The following C12orf42 variants were observed in gnomAD, a reference collection of about 807,000 sequenced individuals.
The protein encoded by C12orf42 is uncharacterized protein C12orf42.
In C12orf42, 25 loss-of-function variants were observed where a neutral mutation model predicts 21.6. The observed-to-expected ratio is 1.16, with a 90% confidence interval of 0.84 to 1.62. The LOEUF (loss-of-function observed/expected upper bound fraction) is 1.62. Among genes scored for constraint, C12orf42 ranks in the 40% most tolerant of loss-of-function variants. The pLI is 0.00. For missense variants in C12orf42, 483 were observed against 459.3 expected (o/e 1.05, Z -0.47); for synonymous variants, 174 against 175.0 (o/e 0.99, Z 0.05).
intron 2 of C12orf42, among the ~76,000 whole-genome samples, chr12:103,466,417 C>G (rs1953133577): frequency 6.6e-6 from 1 of 152,036 alleles, no homozygotes; most frequent in African/African-American, 2.4e-5. Flanking sequence ...CTGATCCATC[C>G]CTCACTCCTC....
the C12orf42 span, among the ~76,000 whole-genome samples, chr12:103,137,705 T>A: frequency 2.0e-5 from 3 of 152,104 alleles, no homozygotes; most frequent in Admixed American, 6.5e-5. Context: ...AACATAGAAA[T>A]CATGTCATTT....
chr12:103,160,310 A>T, the C12orf42 span, among the ~76,000 whole-genome samples: 1 of 152,242 alleles, frequency 6.6e-6, no homozygotes, highest in Admixed American at 6.5e-5. Context: ...ACCAAGTGCT[A>T]TTCCATTCCC....
At chr12:103,224,445 C>T in the C12orf42 span, among the ~76,000 whole-genome samples, 9 of 152,164 alleles carry the variant, frequency 5.9e-5, no homozygotes, top group South Asian at 1.7e-3. Flanking sequence ...ATAAATTAAG[C>T]GTGATCAGGG....
chr12:103,297,474 C>CA (rs1255372271), downstream of C12orf42, among the ~76,000 whole-genome samples: 13 of 151,632 alleles, frequency 8.6e-5, no homozygotes, highest in Admixed American at 3.9e-4. Flanking sequence ...GCCTACCAAC[C>CA]AAAAAAAAAG....
At chr12:103,282,472 T>G (rs930202967) in intron 4 of C12orf42, among the ~76,000 whole-genome samples, 43 of 152,236 alleles carry the variant, frequency 2.8e-4, no homozygotes, top group African/African-American at 1.0e-3. Context: ...CCTACAGTAT[T>G]AAGTTCAGTA....
chr12:103,424,991 C>T (rs1378102945), intron 2 of C12orf42, among the ~76,000 whole-genome samples: 1 of 152,120 alleles, frequency 6.6e-6, no homozygotes, highest in Non-Finnish European at 1.5e-5. Context: ...GAAACTCGAG[C>T]TTAGTGGGAG....
At chr12:103,508,074 T>C in the C12orf42 span, among the ~76,000 whole-genome samples, 2 of 152,198 alleles carry the variant, frequency 1.3e-5, no homozygotes, top group Admixed American at 6.5e-5. Context: ...ATGAGTCCAA[T>C]ATCTTATTTT....
the C12orf42 span, among the ~76,000 whole-genome samples, chr12:103,223,449 A>G: frequency 6.6e-6 from 1 of 152,318 alleles, no homozygotes; most frequent in African/African-American, 2.4e-5. Flanking sequence ...AGGTCCAAGA[A>G]TTGGGACGAC....
chr12:103,529,320 GA>G, the C12orf42 span, among the ~76,000 whole-genome samples: 1 of 152,176 alleles, frequency 6.6e-6, no homozygotes, highest in Non-Finnish European at 1.5e-5. Flanking sequence ...AATAAGCAAG[GA>G]TATAACTCAA....
chr12:103,158,991 T>A, the C12orf42 span, among the ~76,000 whole-genome samples: 1 of 142,728 alleles, frequency 7.0e-6, no homozygotes. Context: ...TACAGTTTTA[T>A]CTGTTAAGAG....
At chr12:103,239,641 G>T (rs1055179564) in intron 10 of C12orf42, among the ~76,000 whole-genome samples, 2 of 152,140 alleles carry the variant, frequency 1.3e-5, no homozygotes, top group African/African-American at 4.8e-5. Context: ...TGTTAATCTG[G>T]GATCAGTTCC....
At chr12:103,168,481 G>A in the C12orf42 span, among the ~76,000 whole-genome samples, 2 of 152,098 alleles carry the variant, frequency 1.3e-5, no homozygotes, top group African/African-American at 4.8e-5. Flanking sequence ...TTCTCACTAT[G>A]TTATACTTGC....
chr12:103,532,267 T>C, the C12orf42 span, among the ~76,000 whole-genome samples: 1 of 152,116 alleles, frequency 6.6e-6, no homozygotes. Flanking sequence ...CGTGCAGCCG[T>C]GAAAAACCAG....
chr12:103,097,637 G>A, the C12orf42 span, among the ~76,000 whole-genome samples: 2 of 152,140 alleles, frequency 1.3e-5, no homozygotes, highest in African/African-American at 2.4e-5. Flanking sequence ...TGATGATACA[G>A]ACTGGAAAAT....
chr12:103,505,668 C>T, the C12orf42 span: 66 of 236,756 alleles, frequency 2.8e-4, no homozygotes, highest in African/African-American at 1.3e-3. Context: ...GGGCATATAC[C>T]AGGGATGCAG....
chr12:103,387,099 T>C (rs2046676258), intron 3 of C12orf42, among the ~76,000 whole-genome samples: 1 of 152,218 alleles, frequency 6.6e-6, no homozygotes, highest in Admixed American at 6.5e-5. Flanking sequence ...ATTCTGGAAC[T>C]TCAAGTATAA....
At chr12:103,538,036 C>T in the C12orf42 span, among the ~76,000 whole-genome samples, 1 of 152,106 alleles carries the variant, frequency 6.6e-6, no homozygotes, top group African/African-American at 2.4e-5. Flanking sequence ...CCAATATCTG[C>T]TGCAAAGAAA....
intron 2 of C12orf42, among the ~76,000 whole-genome samples, chr12:103,433,501 A>G (rs1950421154): frequency 6.6e-6 from 1 of 152,190 alleles, no homozygotes. Flanking sequence ...CTAAAGTACA[A>G]TTTCCTAACA....
At chr12:103,202,643 G>A in the C12orf42 span, among the ~76,000 whole-genome samples, 501 of 152,234 alleles carry the variant, frequency 3.3e-3, 2 homozygotes, top group African/African-American at 0.011. Context: ...TCTAGTTACC[G>A]TTTTCCTGAC....
Sources: allele counts gnomAD v4.1 joint callset (sites outside exome capture counted in the v4.1 genomes callset), GRCh38; gene constraint gnomAD v4.1.1; transcripts MANE v1.5; gene names NCBI Gene and HGNC (gene_info 2026-07-23, HGNC 2026-07-21).